The following DCTN4 variants were observed in gnomAD, a reference collection of about 807,000 sequenced individuals.
DCTN4 encodes the protein dynactin 4 (p62).
A neutral mutation model predicts 62.7 loss-of-function variants in DCTN4; 23 were observed. That is an observed-to-expected ratio of 0.37 (90% CI 0.26 to 0.52). The LOEUF (loss-of-function observed/expected upper bound fraction) is 0.52, where lower values mean the gene tolerates loss of function less well. Ranked by LOEUF, DCTN4 falls within the 20% of genes least tolerant of loss-of-function variation. The pLI is 0.92. For synonymous variants in DCTN4, 199 were observed against 202.1 expected (o/e 0.98, Z 0.13); for missense variants, 514 against 580.4 (o/e 0.89, Z 1.18).
At chr5:150,752,109 T>C (rs1305288723) in intron 3 of DCTN4, among the ~76,000 whole-genome samples, 2 of 151,932 alleles carry the variant, frequency 1.3e-5, no homozygotes, top group African/African-American at 4.8e-5. Flanking sequence ...GAAAAAAAAA[T>C]ACGGAGTTAG....
At chr5:150,745,244 T>C (rs1391775231) in intron 3 of DCTN4, among the ~76,000 whole-genome samples, 2 of 150,320 alleles carry the variant, frequency 1.3e-5, no homozygotes, top group Admixed American at 6.6e-5. Flanking sequence ...GCGCTAACTA[T>C]CCTAAATATA....
At chr5:150,719,510 C>A (rs1174080019) in intron 10 of DCTN4, among the ~76,000 whole-genome samples, 1 of 152,144 alleles carries the variant, frequency 6.6e-6, no homozygotes, top group Non-Finnish European at 1.5e-5. Context: ...TAATGTGCAC[C>A]CTGCTCCTTC....
intron 6 of DCTN4, 34 bp from the exon 7 acceptor site, chr5:150,731,190 A>G: frequency 7.0e-7 from 1 of 1,428,402 alleles, no homozygotes; most frequent in African/African-American, 1.4e-5. Context: ...AAAACAAAAC[A>G]AAAGAGTAAT....
At chr5:150,735,914 T>TAAAAAAAAAAAAAAAAAAAAAAGAAAA (rs4036951) in intron 4 of DCTN4, among the ~76,000 whole-genome samples, 1 of 126,110 alleles carries the variant, frequency 7.9e-6, no homozygotes, top group South Asian at 2.5e-4. Context: ...TTAAGGGAAT[T>TAAAAAAAAAAAAAAAAAAAAAAGAAAA]AAAAAAAAAA....
At chr5:150,754,715 C>T (rs1484363751) in intron 2 of DCTN4, among the ~76,000 whole-genome samples, 1 of 152,178 alleles carries the variant, frequency 6.6e-6, no homozygotes, top group Admixed American at 6.5e-5. Flanking sequence ...CGCTTGTAAT[C>T]CCAGCACTTT....
Position 150,718,350 on chromosome 5 carries a change from C to T in DCTN4, c.997G>A (p.Val333Ile), listed in dbSNP as rs149725036. The T allele has an allele frequency of 1.4e-5, 23 of 1,613,938 alleles. No homozygotes were observed. The highest frequency in any genetic ancestry group is 1.8e-5 in the Non-Finnish European group (21 of 1,179,964). The change falls in exon 11 of 13, where the codon GTT (valine) becomes ATT (isoleucine). Residue 333 changes from valine (V) to isoleucine (I), a missense_variant. Val to Ile is a conservative substitution (Grantham distance 29). Coordinates refer to ENST00000447998, the MANE Select transcript of DCTN4 (RefSeq NM_016221.4). ...AGAGTCACATGGGTGAGGTTCTCAACTGGATTTGTAAGAGTCAGGAGGACC... is the reference window on the plus strand; with the variant it reads ...AGAGTCACATGGGTGAGGTTCTCAATTGGATTTGTAAGAGTCAGGAGGACC... ...SQVLLTLTNP[V>I]ENLTHVTLFE... is the part of the protein sequence containing the mutation.
In DCTN4 at chr5:150,715,600, C is replaced by T. The variant is rs1351590744; in HGVS notation, c.1134G>A (p.Glu378=). The T allele has an allele frequency of 1.2e-6, 2 of 1,614,074 alleles. No homozygotes were observed. Among genetic ancestry groups the T allele is most frequent in the Admixed American group, 1.7e-5 (1 of 60,000 alleles). Reference sequence around the variant, plus strand: ...CCTGAAAGTCTTGAGGTTCTGCCAACTCATCGTACTCTGCTGCTGCATCCT... The same window carrying T: ...CCTGAAAGTCTTGAGGTTCTGCCAATTCATCGTACTCTGCTGCTGCATCCT... ...AGKDAAAEYD[E]LAEPQDFQDD... The change falls in exon 12 of 13, where the codon GAG becomes GAA. Residue 378 remains glutamate (E), a synonymous_variant. Coordinates refer to ENST00000447998, the MANE Select transcript of DCTN4 (RefSeq NM_016221.4).
rs1437118396 is a variant in DCTN4, at chr5:150,756,467, G to T, written c.156C>A (p.Pro52=). 1.2e-6 allele frequency: 2 copies of T among 1,601,970 alleles called. No individual in the cohort carries two copies. The highest frequency in any genetic ancestry group is 1.7e-6 in the Non-Finnish European group (2 of 1,174,906). ...VSHEVDSHYC[P]SCLENMPSAE... ...CCGATGGCATATTTTCTAAACAACT[G>T]GGACAATAATGGGAGTCCACCTAGG... The change falls in exon 2 of 13, where the codon CCC becomes CCA. Residue 52 remains proline, a synonymous_variant. Transcript: ENST00000447998.
At chr5:150,741,043 A>G (rs1218082245) in intron 4 of DCTN4, among the ~76,000 whole-genome samples, 1 of 149,230 alleles carries the variant, frequency 6.7e-6, no homozygotes, top group Non-Finnish European at 1.5e-5. Context: ...CCAAAAACCT[A>G]TTTTTTTTTC....
chr5:150,725,708 C>T lies in DCTN4; in HGVS notation c.835-2728G>A, dbSNP rs536358196. On this transcript the variant is annotated intron_variant, in intron 8 of 12. Coordinates refer to ENST00000447998, the MANE Select transcript of DCTN4 (RefSeq NM_016221.4). Reference sequence around the variant, plus strand: ...AAATTACTGATTCCTAACTTAACTACGTTGTGATCAAATAATATACTTTAA... The same window carrying T: ...AAATTACTGATTCCTAACTTAACTATGTTGTGATCAAATAATATACTTTAA... Among the ~76,000 whole-genome samples, 12 of 152,232 alleles carry T rather than the reference C, an allele frequency of 7.9e-5. 2 individuals are homozygous for T. In the South Asian group the frequency reaches 2.1e-3, roughly 26 times the overall value.
chr5:150,729,689 T>A (rs977053507), intron 8 of DCTN4, among the ~76,000 whole-genome samples: 1 of 151,444 alleles, frequency 6.6e-6, no homozygotes, highest in African/African-American at 2.4e-5. Context: ...GGCACCATCA[T>A]CACACACTAC....
At chr5:150,716,008 G>C (rs139911024) in intron 11 of DCTN4, among the ~76,000 whole-genome samples, 2 of 152,076 alleles carry the variant, frequency 1.3e-5, no homozygotes, top group Non-Finnish European at 2.9e-5. Flanking sequence ...GGGTTCAAGC[G>C]ATTCTCCTGA....
chr5:150,743,849 G>A (rs1401085534), intron 3 of DCTN4, among the ~76,000 whole-genome samples: 2 of 152,184 alleles, frequency 1.3e-5, no homozygotes, highest in South Asian at 2.1e-4. Flanking sequence ...AAAAAACAGA[G>A]CAGAAAAACT....
At chr5:150,724,963 C>T (rs565343211) in intron 8 of DCTN4, among the ~76,000 whole-genome samples, 83 of 152,146 alleles carry the variant, frequency 5.5e-4, no homozygotes, top group Middle Eastern at 3.4e-3. Context: ...TGAGACCATC[C>T]TGGCTAACAC....
chr5:150,753,455 C>T, intron 3 of DCTN4, 24 bp downstream of exon 3: 6 of 1,604,574 alleles, frequency 3.7e-6, no homozygotes, highest in South Asian at 2.2e-5. Context: ...TACAAAATTT[C>T]ATATTGAAGT....
chr5:150,726,034 C>T (rs1262637404), intron 8 of DCTN4, among the ~76,000 whole-genome samples: 1 of 151,814 alleles, frequency 6.6e-6, no homozygotes, highest in East Asian at 1.9e-4. Context: ...TCCCAACAAA[C>T]CTATATTTTA....
intron 3 of DCTN4, among the ~76,000 whole-genome samples, chr5:150,753,061 T>C (rs536597432): frequency 6.6e-6 from 1 of 152,254 alleles, no homozygotes; most frequent in South Asian, 2.1e-4. Context: ...GAGACGGGGT[T>C]TCACTGTGTT....
intron 8 of DCTN4, among the ~76,000 whole-genome samples, chr5:150,730,039 A>G (rs972295491): frequency 6.6e-6 from 1 of 152,218 alleles, no homozygotes; most frequent in African/African-American, 2.4e-5. Context: ...AATGAAATTA[A>G]AGACTGACTC....
At chr5:150,736,666 T>A (rs1760592708) in intron 4 of DCTN4, among the ~76,000 whole-genome samples, 1 of 152,002 alleles carries the variant, frequency 6.6e-6, no homozygotes, top group Admixed American at 6.6e-5. Context: ...CCTTAAAGCA[T>A]AAGTCTCACA....
Sources: gnomAD v4.1 joint callset for allele counts (sites outside exome capture counted in the v4.1 genomes callset) on GRCh38, gnomAD v4.1.1 for gene constraint, MANE v1.5 for transcripts, NCBI Gene and HGNC (gene_info 2026-07-23, HGNC 2026-07-21) for gene names.